The following SEMA3E variants were observed in gnomAD, a reference collection of about 807,000 sequenced individuals.
The protein encoded by SEMA3E is semaphorin 3E, also known as semaphorin-3E.
A neutral mutation model predicts 93.6 loss-of-function variants in SEMA3E; 49 were observed. That is an observed-to-expected ratio of 0.52 (90% confidence interval 0.42 to 0.66). SEMA3E has a LOEUF of 0.66. Ranked by LOEUF, SEMA3E falls within the 30% of genes least tolerant of loss-of-function variation. The pLI is 0.00. For synonymous variants in SEMA3E, 363 were observed against 330.7 expected, an observed-to-expected ratio of 1.10 and a Z score of -1.06; for missense variants, 906 against 964.8, an observed-to-expected ratio of 0.94 and a Z score of 0.81.
chr7:83,425,195 A>G (rs1409050650), intron 4 of SEMA3E, among the ~76,000 whole-genome samples: 1 of 151,596 alleles, frequency 6.6e-6, no homozygotes, highest in Non-Finnish European at 1.5e-5. Flanking sequence ...ACTTTCTTGA[A>G]TGTTAACATT....
intron 1 of SEMA3E, among the ~76,000 whole-genome samples, chr7:83,591,319 A>G (rs1156858519): frequency 6.6e-6 from 1 of 151,914 alleles, no homozygotes; most frequent in Non-Finnish European, 1.5e-5. Flanking sequence ...AATTAAAATT[A>G]TTTTTATAGT....
intron 1 of SEMA3E, among the ~76,000 whole-genome samples, chr7:83,632,438 G>T (rs1451324842): frequency 1.3e-5 from 2 of 152,034 alleles, no homozygotes; most frequent in African/African-American, 4.8e-5. Context: ...TGAATCATGG[G>T]GGCAGTCTTC....
chr7:83,599,393 T>A (rs1357470738), intron 1 of SEMA3E, among the ~76,000 whole-genome samples: 1 of 152,206 alleles, frequency 6.6e-6, no homozygotes, highest in Admixed American at 6.5e-5. Flanking sequence ...AGGAGAGAAG[T>A]AATTTGATCA....
intron 1 of SEMA3E, among the ~76,000 whole-genome samples, chr7:83,639,128 A>AC (rs1562866013): frequency 1.4e-5 from 2 of 141,366 alleles, no homozygotes; most frequent in African/African-American, 5.2e-5. Flanking sequence ...AAAAAAAAAA[A>AC]AAAAAAAAAA....
chr7:83,570,344 G>T (rs1477422562), intron 1 of SEMA3E, among the ~76,000 whole-genome samples: 2 of 151,212 alleles, frequency 1.3e-5, no homozygotes, highest in Non-Finnish European at 2.9e-5. Flanking sequence ...ACGAGGTCAG[G>T]AGATCGAGAC....
intron 2 of SEMA3E, among the ~76,000 whole-genome samples, chr7:83,484,371 TCTC>T (rs1183732689): frequency 6.6e-6 from 1 of 152,080 alleles, no homozygotes; most frequent in Non-Finnish European, 1.5e-5. Flanking sequence ...ATTGCTACTT[TCTC>T]CTCATTAATT....
At chr7:83,486,173 T>C (rs1410061588) in intron 2 of SEMA3E, among the ~76,000 whole-genome samples, 1 of 152,106 alleles carries the variant, frequency 6.6e-6, no homozygotes, top group South Asian at 2.1e-4. Flanking sequence ...ATGTATCATA[T>C]GTTTGTCTTC....
At chr7:83,548,865 T>C (rs1431390391) in intron 1 of SEMA3E, among the ~76,000 whole-genome samples, 3 of 152,214 alleles carry the variant, frequency 2.0e-5, no homozygotes, top group East Asian at 3.9e-4. Context: ...TAAGGACCTA[T>C]CTTATTCACA....
intron 1 of SEMA3E, among the ~76,000 whole-genome samples, chr7:83,585,326 T>C (rs374447671): frequency 3.3e-5 from 5 of 152,334 alleles, no homozygotes; most frequent in African/African-American, 9.6e-5. Context: ...CTTGTTTCTT[T>C]GTTGCCTGTC....
At position 83,586,440 on chromosome 7, in the gene SEMA3E, A is replaced by G. The variant is rs115403027; in HGVS notation, c.115+61988T>C. On this transcript the variant is annotated intron_variant, in intron 1 of 16. Transcript: ENST00000643230. Reference sequence around the variant, plus strand: ...GGGGTTCCTGAATCTCTGCCAATCCAGTAAAATGTTCCTTTTTCTAGGGAG... The same window carrying G: ...GGGGTTCCTGAATCTCTGCCAATCCGGTAAAATGTTCCTTTTTCTAGGGAG... 8.5e-3 allele frequency among the ~76,000 whole-genome samples: 1,291 copies of G among 152,082 alleles called. 12 individuals carry two copies. The highest frequency in any genetic ancestry group is 0.03 in the African/African-American group (1,241 of 41,502).
At chr7:83,546,141 GA>G (rs1176929967) in intron 1 of SEMA3E, among the ~76,000 whole-genome samples, 3 of 149,156 alleles carry the variant, frequency 2.0e-5, no homozygotes, top group Admixed American at 1.4e-4. Context: ...TTTTATTTGG[GA>G]AAAAAATTTC....
chr7:83,428,687 T>C (rs1484355611), intron 4 of SEMA3E, among the ~76,000 whole-genome samples: 1 of 152,036 alleles, frequency 6.6e-6, no homozygotes, highest in African/African-American at 2.4e-5. Flanking sequence ...AGGAGTAAAA[T>C]AGCAAGTAAA....
At chr7:83,544,157 C>A (rs948384151) in intron 1 of SEMA3E, among the ~76,000 whole-genome samples, 1 of 152,018 alleles carries the variant, frequency 6.6e-6, no homozygotes, top group African/African-American at 2.4e-5. Context: ...AAATAACTAA[C>A]TATTTGTGGG....
intron 4 of SEMA3E, among the ~76,000 whole-genome samples, chr7:83,440,863 A>T (rs1274056042): frequency 1.3e-5 from 2 of 151,900 alleles, no homozygotes; most frequent in East Asian, 3.9e-4. Context: ...GCCCAGATGG[A>T]TTGTAACCAA....
At chr7:83,627,477 G>T (rs911573910) in intron 1 of SEMA3E, among the ~76,000 whole-genome samples, 12 of 151,758 alleles carry the variant, frequency 7.9e-5, no homozygotes, top group Non-Finnish European at 4.4e-5. Context: ...TAGCGAATCT[G>T]GGTGTTCCTC....
At position 83,461,150 on chromosome 7, in the gene SEMA3E, C is replaced by T. The variant is rs59213685; in HGVS notation, c.456+5332G>A. On this transcript the variant is annotated intron_variant, in intron 4 of 16. Coordinates refer to ENST00000643230, the MANE Select transcript of SEMA3E (RefSeq NM_012431.3). ...TAATTCTTGTCGTAAAATAGGCAAA[C>T]GGTCTGAGGTGCCTGATGTCCAGAC... 5.5e-3 allele frequency among the ~76,000 whole-genome samples: 843 copies of T among 152,206 alleles called. 8 individuals are homozygous for T. Among genetic ancestry groups the T allele is most frequent in the African/African-American group, 0.019 (796 of 41,494 alleles).
At chr7:83,512,434 T>C (rs1200127701) in intron 1 of SEMA3E, among the ~76,000 whole-genome samples, 1 of 152,130 alleles carries the variant, frequency 6.6e-6, no homozygotes, top group Non-Finnish European at 1.5e-5. Flanking sequence ...ATACATGCCG[T>C]GGATTAGCTA....
In SEMA3E at chr7:83,363,557, CAAAATATAA is replaced by C. The variant is rs1283991520; in HGVS notation, c.*4020_*4028del. The C allele has an allele frequency of 6.6e-6, 1 of 151,592 alleles. No individual in the cohort carries two copies. The highest frequency in any genetic ancestry group is 6.6e-5 in the Admixed American group (1 of 15,226). The allele number at this position is 151,592 out of a possible 1,614,324, so 9.4% of individuals were successfully genotyped here. ...GCAGAACACAATTTATAATGAAAGCCAAAATATAAAGCTATCCTTCCAAGAAAAAAAAAA... is the reference window on the plus strand; with the variant it reads ...GCAGAACACAATTTATAATGAAAGCCAGCTATCCTTCCAAGAAAAAAAAAA... On this transcript the variant is annotated 3_prime_UTR_variant, in exon 17 of 17. Transcript: ENST00000643230.
At chr7:83,482,585 A>AT (rs1790170027) in intron 2 of SEMA3E, among the ~76,000 whole-genome samples, 1 of 120,990 alleles carries the variant, frequency 8.3e-6, no homozygotes, top group African/African-American at 3.0e-5. Flanking sequence ...AAAAAAAAAA[A>AT]AAATTTGCAA....
Sources: gnomAD v4.1 joint callset for allele counts (sites outside exome capture counted in the v4.1 genomes callset) on GRCh38, gnomAD v4.1.1 for gene constraint, MANE v1.5 for transcripts, NCBI Gene and HGNC (gene_info 2026-07-23, HGNC 2026-07-21) for gene names.